The following CPNE4 variants were observed in gnomAD, a reference collection of about 807,000 sequenced individuals.
CPNE4 encodes the protein copine-4.
A neutral mutation model predicts 67.9 loss-of-function variants in CPNE4; 25 were observed. The observed-to-expected ratio is 0.37, with a 90% confidence interval of 0.27 to 0.51. The LOEUF (loss-of-function observed/expected upper bound fraction) is 0.51, where lower values mean the gene tolerates loss of function less well. CPNE4 is among the 20% of genes least tolerant of loss of function. The pLI is 0.93. For synonymous variants in CPNE4, 242 were observed against 244.9 expected, an observed-to-expected ratio of 0.99 and a Z score of 0.11; for missense variants, 464 against 690.8, an observed-to-expected ratio of 0.67 and a Z score of 3.68.
intron 2 of CPNE4, among the ~76,000 whole-genome samples, chr3:131,738,415 C>A (rs953057437): frequency 6.6e-6 from 1 of 152,070 alleles, no homozygotes; most frequent in African/African-American, 2.4e-5. Context: ...AACCAGTGGG[C>A]GACCAAAGGA....
At chr3:131,734,448 A>C (rs576450641) in intron 2 of CPNE4, among the ~76,000 whole-genome samples, 1 of 152,346 alleles carries the variant, frequency 6.6e-6, no homozygotes, top group African/African-American at 2.4e-5. Context: ...CTCTGAATTT[A>C]GTGAGAAGAA....
At chr3:131,786,370 A>C (rs1156634440) in intron 2 of CPNE4, among the ~76,000 whole-genome samples, 1 of 152,178 alleles carries the variant, frequency 6.6e-6, no homozygotes, top group African/African-American at 2.4e-5. Context: ...ATCCCTTATT[A>C]GAAGTGAAAC....
chr3:131,547,453 CGCAAAAAAAAAAAAAAAAAAA>C (rs1935919900), intron 14 of CPNE4, among the ~76,000 whole-genome samples: 2 of 50,348 alleles, frequency 4.0e-5, no homozygotes, highest in African/African-American at 1.8e-4. Context: ...AAGACCCTGT[CGCAAAAAAAAAAAAAAAAAAA>C]AAAAAAAAAA....
chr3:131,827,005 A>G (rs2085186205), intron 2 of CPNE4, among the ~76,000 whole-genome samples: 1 of 152,088 alleles, frequency 6.6e-6, no homozygotes, highest in African/African-American at 2.4e-5. Context: ...GCATCACTGC[A>G]CTCCATCCTG....
intron 10 of CPNE4, among the ~76,000 whole-genome samples, chr3:131,569,939 T>G (rs1367408873): frequency 6.6e-6 from 1 of 151,966 alleles, no homozygotes; most frequent in African/African-American, 2.4e-5. Flanking sequence ...ACTAGGCTGG[T>G]AAGTCATATT....
chr3:131,964,426 G>C (rs554148801), intron 1 of CPNE4, among the ~76,000 whole-genome samples: 2 of 152,034 alleles, frequency 1.3e-5, no homozygotes, highest in South Asian at 4.2e-4. Flanking sequence ...AAACTCCTCT[G>C]AGCTAAAGGA....
intron 7 of CPNE4, among the ~76,000 whole-genome samples, chr3:131,634,096 C>T (rs1220647460): frequency 6.6e-6 from 1 of 152,036 alleles, no homozygotes; most frequent in Non-Finnish European, 1.5e-5. Context: ...CCATATTGAT[C>T]TCAATTAATT....
chr3:131,715,537 A>C (rs1010680842), intron 3 of CPNE4, among the ~76,000 whole-genome samples: 2 of 152,230 alleles, frequency 1.3e-5, no homozygotes, highest in Non-Finnish European at 2.9e-5. Flanking sequence ...AGCTTTACTC[A>C]GTCTCAGTTT....
intron 2 of CPNE4, among the ~76,000 whole-genome samples, chr3:131,878,981 G>T (rs1341414356): frequency 6.6e-6 from 1 of 152,180 alleles, no homozygotes; most frequent in Non-Finnish European, 1.5e-5. Context: ...CTAAGAAATT[G>T]ATTTGTTTAG....
intron 3 of CPNE4, among the ~76,000 whole-genome samples, chr3:131,716,800 G>A (rs776713696): frequency 6.6e-6 from 1 of 152,224 alleles, no homozygotes; most frequent in Non-Finnish European, 1.5e-5. Flanking sequence ...AAGAAACTGA[G>A]GCTTAAGTGG....
intron 6 of CPNE4, among the ~76,000 whole-genome samples, chr3:131,672,489 T>C (rs1168713449): frequency 1.3e-5 from 2 of 152,130 alleles, no homozygotes; most frequent in Non-Finnish European, 2.9e-5. Context: ...CTTGCCAGTA[T>C]TTATTATGGC....
intron 1 of CPNE4, among the ~76,000 whole-genome samples, chr3:131,977,447 A>G (rs559549619): frequency 2.6e-4 from 40 of 152,288 alleles, no homozygotes; most frequent in African/African-American, 8.9e-4. Context: ...CCTCAATTAG[A>G]GCCTACAACT....
intron 8 of CPNE4, among the ~76,000 whole-genome samples, chr3:131,586,253 G>A (rs1180598562): frequency 6.6e-6 from 1 of 152,170 alleles, no homozygotes; most frequent in African/African-American, 2.4e-5. Context: ...AGTAAGAACG[G>A]CAGGTGTCTT....
At chr3:131,727,841 A>C (rs2082036752) in intron 2 of CPNE4, among the ~76,000 whole-genome samples, 1 of 152,190 alleles carries the variant, frequency 6.6e-6, no homozygotes, top group Non-Finnish European at 1.5e-5. Flanking sequence ...TATTATATAA[A>C]TGTATATCAT....
intron 1 of CPNE4, among the ~76,000 whole-genome samples, chr3:132,027,421 TC>T (rs1204127577): frequency 6.6e-6 from 1 of 152,224 alleles, no homozygotes; most frequent in Non-Finnish European, 1.5e-5. Context: ...TATTTTCCCA[TC>T]TTTTTAAAAT....
At chr3:131,821,537 C>CTGTT (rs140735947) in intron 2 of CPNE4, among the ~76,000 whole-genome samples, 4,801 of 152,258 alleles carry the variant, frequency 0.032, 177 homozygotes, top group South Asian at 0.094. Context: ...TTTTTTCAGA[C>CTGTT]TGGCTGCCAC....
intron 2 of CPNE4, among the ~76,000 whole-genome samples, chr3:131,790,116 C>G (rs540436703): frequency 6.6e-6 from 1 of 152,134 alleles, no homozygotes; most frequent in Admixed American, 6.6e-5. Flanking sequence ...TTTCAGGCAG[C>G]CTGGCAGTAT....
intron 7 of CPNE4, among the ~76,000 whole-genome samples, chr3:131,663,717 C>G (rs2080185842): frequency 1.3e-5 from 2 of 152,086 alleles, no homozygotes; most frequent in Admixed American, 6.6e-5. Flanking sequence ...TTTAAACCAA[C>G]CAGGCATGGC....
chr3:131,816,899 T>C (rs758176238), intron 2 of CPNE4, among the ~76,000 whole-genome samples: 1 of 152,222 alleles, frequency 6.6e-6, no homozygotes, highest in Non-Finnish European at 1.5e-5. Context: ...TATTGGGGTA[T>C]ATTTTACATA....
Sources: gnomAD v4.1 joint callset for allele counts (sites outside exome capture counted in the v4.1 genomes callset) on GRCh38, gnomAD v4.1.1 for gene constraint, MANE v1.5 for transcripts, NCBI Gene and HGNC (gene_info 2026-07-23, HGNC 2026-07-21) for gene names.